The following STK24 variants were observed in gnomAD, a reference collection of about 807,000 sequenced individuals.
STK24 encodes serine/threonine-protein kinase 24.
In STK24, 21 loss-of-function variants were observed where a neutral mutation model predicts 55.6. The observed-to-expected ratio is 0.38, with a 90% CI of 0.27 to 0.54. The LOEUF (loss-of-function observed/expected upper bound fraction) is 0.54, where lower values mean the gene tolerates loss of function less well. Among genes scored for constraint, STK24 ranks in the 20% least tolerant of loss-of-function variants. The pLI is 0.79. For missense variants in STK24, 383 were observed against 538.4 expected (o/e 0.71, Z 2.86); for synonymous variants, 200 against 215.2 (o/e 0.93, Z 0.62).
At position 98,457,203 on chromosome 13, in the gene STK24, G is replaced by A. The variant is rs1594568915; in HGVS notation, c.1224C>T (p.Asp408=). The change falls in exon 10 of 11, where the codon GAC becomes GAT. Residue 408 remains aspartate, a synonymous_variant. Coordinates refer to ENST00000539966, the MANE Select transcript of STK24 (RefSeq NM_001032296.4). The part of the protein sequence containing the change: ...LAEEACPGIS[D]TMVAQLVQRL... ...GCTGCACGAGCTGGGCCACCATGGTGTCGGAGATGCCAGGGCACGCCTCCT... is the reference window on the plus strand; with the variant it reads ...GCTGCACGAGCTGGGCCACCATGGTATCGGAGATGCCAGGGCACGCCTCCT... 3.1e-6 allele frequency: 5 copies of A among 1,612,412 alleles called. No homozygotes were observed. The East Asian group carries it at 1.1e-4, about 36-fold the overall frequency.
At chr13:98,503,974 C>T (rs1347347968) in intron 2 of STK24, among the ~76,000 whole-genome samples, 1 of 152,164 alleles carries the variant, frequency 6.6e-6, no homozygotes, top group Non-Finnish European at 1.5e-5. Context: ...CCTGCGATGG[C>T]CAAACACTCT....
At chr13:98,511,149 C>G (rs1288949764) in intron 2 of STK24, among the ~76,000 whole-genome samples, 2 of 152,208 alleles carry the variant, frequency 1.3e-5, no homozygotes, top group African/African-American at 4.8e-5. Flanking sequence ...CAGGGTGAGC[C>G]ACTGTGCCCG....
rs560571088 is a variant in STK24 at position 98,446,882 on chromosome 13, T to C, written c.*6291A>G. On this transcript the variant is annotated 3_prime_UTR_variant, in exon 11 of 11. Transcript: ENST00000539966. ...GGACCCCCTCTTCCAAACATCAGGA[T>C]TTCTCCCAAGTCAGCGAGTGAGATG... is the stretch of plus-strand genomic sequence containing the variant. 1 of 1,569,180 alleles carries C rather than the reference T, an allele frequency of 6.4e-7. No individual in the cohort carries two copies. Among genetic ancestry groups the C allele is most frequent in the South Asian group, 1.1e-5 (1 of 88,512 alleles).
chr13:98,472,584 TCA>T (rs1894194183), intron 5 of STK24, among the ~76,000 whole-genome samples: 1 of 152,200 alleles, frequency 6.6e-6, no homozygotes, highest in Admixed American at 6.5e-5. Flanking sequence ...ACAGTTGTAT[TCA>T]CAGTGCAGTT....
chr13:98,500,181 GGTCCTTT>G (rs1210281054), intron 2 of STK24, among the ~76,000 whole-genome samples: 13 of 152,106 alleles, frequency 8.5e-5, no homozygotes, highest in African/African-American at 2.9e-4. Context: ...AATGCTTCAT[GGTCCTTT>G]GTCACTTCAT....
Position 98,447,078 on chromosome 13 carries a change from C to T in STK24, c.*6095G>A, listed in dbSNP as rs902390327. 23 of 456,882 alleles carry T rather than the reference C, an allele frequency of 5.0e-5. No homozygotes were observed. Among genetic ancestry groups the T allele is most frequent in the Non-Finnish European group, 7.6e-5 (19 of 250,554 alleles). 28.3% of individuals were successfully genotyped at this position (456,882 alleles called of 1,614,324 possible). On this transcript the variant is annotated 3_prime_UTR_variant, in exon 11 of 11. Coordinates refer to ENST00000539966, the MANE Select transcript of STK24 (RefSeq NM_001032296.4). ...TCTTGCTTGGAGATCTCTGACATAA[C>T]GTGTCCGGGATGATGAAGCTAAGCC...
rs77488622 is a variant in STK24 at position 98,499,271 on chromosome 13, T to G, written c.274-16950A>C. ...AAACCAGCTTCAAGTAAGGGCCTAA[T>G]GTTCTCCACACATTCACACTTGCAA... On this transcript the variant is annotated intron_variant, in intron 2 of 10. Transcript: ENST00000539966. Among the ~76,000 whole-genome samples the G allele has an allele frequency of 9.2e-3, 1,385 of 150,478 alleles. 19 individuals carry two copies. Among genetic ancestry groups the G allele is most frequent in the African/African-American group, 0.031 (1,264 of 41,134 alleles).
intron 1 of STK24, among the ~76,000 whole-genome samples, chr13:98,522,959 G>C (rs1896313600): frequency 6.6e-6 from 1 of 152,230 alleles, no homozygotes; most frequent in South Asian, 2.1e-4. Context: ...GAGGTCAGGA[G>C]AGCCGGTTAG....
In STK24 at chr13:98,446,191, T is replaced by C. The variant is rs758620517; in HGVS notation, c.*6982A>G. On this transcript the variant is annotated 3_prime_UTR_variant, in exon 11 of 11. Transcript: ENST00000539966. ...GTTCACAAACTTCTGCCTGTTCTTC[T>C]ACAAATCACACCAGGTAAGTGTCTC... 3.2e-5 allele frequency: 52 copies of C among 1,611,980 alleles called. No homozygotes were observed. Among genetic ancestry groups the C allele is most frequent in the Non-Finnish European group, 4.3e-5 (51 of 1,178,118 alleles).
chr13:98,521,675 G>A (rs74109156), intron 1 of STK24: 10 of 694,014 alleles, frequency 1.4e-5, no homozygotes, highest in East Asian at 1.0e-4. Flanking sequence ...AGCAGCTTTC[G>A]GGGATGCGGG....
chr13:98,446,135 A>G lies in STK24; in HGVS notation c.*7038T>C, dbSNP rs745471591. 6.2e-7 allele frequency: 1 copy of G among 1,614,070 alleles called. No homozygotes were observed. Among genetic ancestry groups the G allele is most frequent in the Non-Finnish European group, 8.5e-7 (1 of 1,179,926 alleles). ...GGAAACCTGCTGAGGAAATTCAAAA[A>G]CAGCAACGGGTGGCAGAAGCTGTGG... On this transcript the variant is annotated 3_prime_UTR_variant, in exon 11 of 11. Coordinates refer to ENST00000539966, the MANE Select transcript of STK24 (RefSeq NM_001032296.4).
chr13:98,523,081 A>G (rs1896318321), intron 1 of STK24, among the ~76,000 whole-genome samples: 1 of 152,162 alleles, frequency 6.6e-6, no homozygotes, highest in African/African-American at 2.4e-5. Flanking sequence ...GATTCAGTCA[A>G]CCGGGGGTGG....
rs78019492 is a variant in STK24, at chr13:98,546,231, C to G, written c.43-26758G>C. Among the ~76,000 whole-genome samples the G allele has an allele frequency of 9.3e-4, 141 of 152,224 alleles. 1 individual carries two copies. Among genetic ancestry groups the G allele is most frequent in the African/African-American group, 3.3e-3 (135 of 41,530 alleles). On this transcript the variant is annotated intron_variant, in intron 1 of 10. Transcript: ENST00000539966. The stretch of plus-strand genomic sequence containing the variant: ...TCACAAGAGACAGCTGTGAAAGGGC[C>G]ACTAGCACACAGCATGGCACCTTAT...
rs116258435 is a variant in STK24, at chr13:98,512,626, T to G, written c.273+6617A>C. On this transcript the variant is annotated intron_variant, in intron 2 of 10. Coordinates refer to ENST00000539966, the MANE Select transcript of STK24 (RefSeq NM_001032296.4). ...GCAAGGTACCAGCCCCTAACTTGCT[T>G]TCTCCTTCATTAACACTACTCTAAT... Among the ~76,000 whole-genome samples the G allele has an allele frequency of 3.2e-3, 488 of 152,112 alleles. 3 individuals are homozygous for G. The highest frequency in any genetic ancestry group is 0.011 in the African/African-American group (465 of 41,506).
chr13:98,517,754 C>T (rs9513439), intron 2 of STK24, among the ~76,000 whole-genome samples: 45,664 of 152,110 alleles, frequency 0.3, 7,132 homozygotes, highest in African/African-American at 0.37. Context: ...ATTTGCTCTT[C>T]TTGTTGGCAT....
intron 2 of STK24, among the ~76,000 whole-genome samples, chr13:98,488,341 C>T (rs556548558): frequency 2.0e-5 from 3 of 152,172 alleles, no homozygotes; most frequent in Non-Finnish European, 4.4e-5. Flanking sequence ...TCCCAGTCTG[C>T]GCTACTTCGT....
chr13:98,463,636 A>G, intron 7 of STK24, 55 bp downstream of exon 7: 3 of 1,529,068 alleles, frequency 2.0e-6, no homozygotes, highest in Non-Finnish European at 2.6e-6. Flanking sequence ...AACAGTGACA[A>G]AGACCAGCGG....
intron 9 of STK24, among the ~76,000 whole-genome samples, chr13:98,458,746 T>C (rs1437639167): frequency 6.6e-6 from 1 of 152,196 alleles, no homozygotes; most frequent in East Asian, 1.9e-4. Flanking sequence ...GTGTGGAACG[T>C]GCTGGACCCA....
chr13:98,467,263 C>T (rs1263676913), intron 5 of STK24, among the ~76,000 whole-genome samples: 3 of 152,256 alleles, frequency 2.0e-5, no homozygotes, highest in East Asian at 3.9e-4. Flanking sequence ...ATGTGTTCCC[C>T]GAGTATATTT....
Sources: gnomAD v4.1 joint callset for allele counts (sites outside exome capture counted in the v4.1 genomes callset) on GRCh38, gnomAD v4.1.1 for gene constraint, MANE v1.5 for transcripts, NCBI Gene and HGNC (gene_info 2026-07-23, HGNC 2026-07-21) for gene names.